Variants in CXCL13 observed in about 807,000 individuals in gnomAD.
CXCL13 encodes the protein C-X-C motif chemokine ligand 13.
A neutral mutation model predicts 12.2 loss-of-function variants in CXCL13; 7 were observed. The ratio of observed to expected loss-of-function variants is 0.57; its 90% CI spans 0.33 to 1.07. CXCL13 has a LOEUF of 1.07. Ranked by LOEUF, CXCL13 falls within the 50% of genes least tolerant of loss-of-function variation. CXCL13 has a pLI of 0.04. For missense variants in CXCL13, 113 were observed against 127.4 expected, an observed-to-expected ratio of 0.89 and a Z score of 0.55; for synonymous variants, 47 against 42.4, an observed-to-expected ratio of 1.11 and a Z score of -0.42.
chr4:77,536,783 T>C (rs1725068192), intron 1 of CXCL13, among the ~76,000 whole-genome samples: 2 of 152,196 alleles, frequency 1.3e-5, no homozygotes, highest in Non-Finnish European at 2.9e-5. Flanking sequence ...GATTCAACTA[T>C]CTCTGATGCT....
chr4:77,511,908 T>C (rs1724282513), intron 1 of CXCL13: 3 of 152,176 alleles, frequency 2.0e-5, no homozygotes, highest in Admixed American at 2.0e-4. Flanking sequence ...TTCCAAGTTA[T>C]ACTAAGGAAT....
rs147973739 is a variant in CXCL13, at chr4:77,593,002, G to T, written c.-42-12822G>T. Among the ~76,000 whole-genome samples the T allele has an allele frequency of 1.1e-3, 160 of 152,314 alleles. 5 individuals are homozygous for T. In the East Asian group the frequency reaches 0.023, roughly 21 times the overall value. ...GAGGTTAATAACGTATAAACAAGTGGCAGAGCTGTGGTTTTAACTCATATC... is the reference window on the plus strand; with the variant it reads ...GAGGTTAATAACGTATAAACAAGTGTCAGAGCTGTGGTTTTAACTCATATC... On this transcript the variant is annotated intron_variant, in intron 1 of 4. Coordinates refer to the CXCL13 transcript ENST00000286758.
chr4:77,544,690 G>C (rs1725307184), intron 1 of CXCL13, among the ~76,000 whole-genome samples: 1 of 152,196 alleles, frequency 6.6e-6, no homozygotes, highest in Non-Finnish European at 1.5e-5. Flanking sequence ...CTCCCATTCT[G>C]TAGGTTGCCT....
chr4:77,594,022 A>G (rs1726684207), intron 1 of CXCL13, among the ~76,000 whole-genome samples: 1 of 152,222 alleles, frequency 6.6e-6, no homozygotes, highest in Non-Finnish European at 1.5e-5. Context: ...GGAATTTATA[A>G]TGAAAGCCAT....
At position 77,539,310 on chromosome 4, in the gene CXCL13, A is replaced by T. The variant is rs570212088; in HGVS notation, c.-43+27522A>T. ...CCAGCTAATTTTTTGTATTTTTAAT[A>T]GAGACAGGGGTTTGCCACTTTGGCC... On this transcript the variant is annotated intron_variant, in intron 1 of 4. Transcript: ENST00000286758. 2.2e-3 allele frequency among the ~76,000 whole-genome samples: 339 copies of T among 152,310 alleles called. 1 individual carries two copies. Among genetic ancestry groups the T allele is most frequent in the African/African-American group, 6.9e-3 (286 of 41,574 alleles).
intron 1 of CXCL13, among the ~76,000 whole-genome samples, chr4:77,540,585 T>C (rs922664513): frequency 2.0e-5 from 3 of 152,182 alleles, no homozygotes; most frequent in African/African-American, 7.2e-5. Context: ...TGCATGTTGC[T>C]GCAAAGGCCA....
chr4:77,565,950 A>G (rs1725917198), intron 1 of CXCL13, among the ~76,000 whole-genome samples: 1 of 152,240 alleles, frequency 6.6e-6, no homozygotes, highest in Non-Finnish European at 1.5e-5. Context: ...CAAATCCTAC[A>G]AACCTTGAAA....
intron 1 of CXCL13, among the ~76,000 whole-genome samples, chr4:77,587,839 G>A (rs78946716): frequency 7.9e-4 from 120 of 152,328 alleles, no homozygotes; most frequent in African/African-American, 2.7e-3. Flanking sequence ...GTTACCCTGC[G>A]AAGCAGGGTC....
At chr4:77,514,333 G>C (rs529537690) in intron 1 of CXCL13, among the ~76,000 whole-genome samples, 5,551 of 147,338 alleles carry the variant, frequency 0.038, 311 homozygotes, top group African/African-American at 0.13. Context: ...TAATGGGATG[G>C]CTGGGTCAAA....
intron 1 of CXCL13, among the ~76,000 whole-genome samples, chr4:77,518,808 C>T (rs1354199107): frequency 2.0e-5 from 3 of 152,230 alleles, no homozygotes; most frequent in African/African-American, 2.4e-5. Flanking sequence ...AGTCATTCTC[C>T]ATCCAGCTTT....
chr4:77,575,336 A>T (rs1340541113), intron 1 of CXCL13, among the ~76,000 whole-genome samples: 1 of 151,896 alleles, frequency 6.6e-6, no homozygotes, highest in Non-Finnish European at 1.5e-5. Context: ...TCTAGGTTAC[A>T]TGTACACAAC....
In CXCL13 at chr4:77,590,189, A is replaced by G. The variant is rs527850033; in HGVS notation, c.-42-15635A>G. Among the ~76,000 whole-genome samples the G allele has an allele frequency of 4.6e-5, 7 of 152,322 alleles. No individual in the cohort carries two copies. In the South Asian group the frequency reaches 1.5e-3, roughly 32 times the overall value. ...GAAGAGGATAATATCCTAAATTTAT[A>G]TATAAATTGCTAACCACCTACCACA... is the stretch of plus-strand genomic sequence containing the variant. On this transcript the variant is annotated intron_variant, in intron 1 of 4. Coordinates refer to the CXCL13 transcript ENST00000286758.
At chr4:77,555,898 C>G (rs1166936608) in intron 1 of CXCL13, among the ~76,000 whole-genome samples, 1 of 152,140 alleles carries the variant, frequency 6.6e-6, no homozygotes, top group East Asian at 1.9e-4. Flanking sequence ...GTTAAAGCCA[C>G]ATTGATATAT....
chr4:77,551,367 C>T (rs1356173396), intron 1 of CXCL13, among the ~76,000 whole-genome samples: 1 of 152,116 alleles, frequency 6.6e-6, no homozygotes, highest in Non-Finnish European at 1.5e-5. Context: ...TTTATTTCTC[C>T]TTCACTTATG....
intron 1 of CXCL13, among the ~76,000 whole-genome samples, chr4:77,543,528 T>C (rs2109802365): frequency 6.6e-6 from 1 of 152,286 alleles, no homozygotes; most frequent in Admixed American, 6.5e-5. Flanking sequence ...GCTTTTGCTG[T>C]ATCCCAGAGA....
chr4:77,604,189 C>T (rs1416997632), upstream of CXCL13, among the ~76,000 whole-genome samples: 2 of 152,142 alleles, frequency 1.3e-5, no homozygotes, highest in South Asian at 2.1e-4. Context: ...AGCTAAGGAC[C>T]GAGCACGGTT....
intron 1 of CXCL13, among the ~76,000 whole-genome samples, chr4:77,583,812 AC>A (rs1242464676): frequency 6.6e-6 from 1 of 152,146 alleles, no homozygotes; most frequent in Non-Finnish European, 1.5e-5. Context: ...ATGAAGGATA[AC>A]CATCGATCTA....
At chr4:77,593,888 G>T (rs1464852617) in intron 1 of CXCL13, among the ~76,000 whole-genome samples, 2 of 152,214 alleles carry the variant, frequency 1.3e-5, no homozygotes, top group African/African-American at 2.4e-5. Flanking sequence ...AAAGTGAAAA[G>T]ACAGGGGTAT....
chr4:77,559,621 A>G (rs1725753217), intron 1 of CXCL13, among the ~76,000 whole-genome samples: 1 of 151,002 alleles, frequency 6.6e-6, no homozygotes, highest in Non-Finnish European at 1.5e-5. Context: ...GATTGAAAGT[A>G]AAGTAAAACC....
Sources: gnomAD v4.1 joint callset for allele counts (sites outside exome capture counted in the v4.1 genomes callset) on GRCh38, gnomAD v4.1.1 for gene constraint, MANE v1.5 for transcripts, NCBI Gene and HGNC (gene_info 2026-07-23, HGNC 2026-07-21) for gene names.